RAD51: variants seen among roughly 807,000 people sequenced by gnomAD.
RAD51 encodes the protein DNA repair protein RAD51 homolog 1.
A neutral mutation model predicts 41.5 loss-of-function variants in RAD51; 14 were observed. The observed-to-expected ratio is 0.34, with a 90% CI of 0.22 to 0.53. The LOEUF is 0.53. Among genes scored for constraint, RAD51 ranks in the 20% least tolerant of loss-of-function variants. The probability of loss-of-function intolerance (pLI) is 0.95; values close to 1 mark genes in which losing one functional copy is unlikely to be tolerated. For synonymous variants in RAD51, 136 were observed against 148.6 expected (o/e 0.92, Z 0.62); for missense variants, 234 against 422.0 (o/e 0.55, Z 3.90).
chr15:40,703,259 A>C (rs1895115456), intron 3 of RAD51, among the ~76,000 whole-genome samples: 1 of 152,100 alleles, frequency 6.6e-6, no homozygotes, highest in African/African-American at 2.4e-5. Flanking sequence ...GTTGCACTGA[A>C]ATGACAGTGA....
chr15:40,718,699 T>G, intron 5 of RAD51, 106 bp from the exon 6 acceptor site: 2 of 983,408 alleles, frequency 2.0e-6, no homozygotes, highest in South Asian at 1.3e-5. Flanking sequence ...TTTTTAAATG[T>G]TTTTTTCCCT....
At position 40,731,203 on chromosome 15, in the gene RAD51, A is replaced by C; in HGVS notation, c.*25A>C. 1 of 1,613,820 alleles carries C rather than the reference A, an allele frequency of 6.2e-7. No homozygotes were observed. On this transcript the variant is annotated 3_prime_UTR_variant, in exon 10 of 10. Transcript: ENST00000267868. ...AATCATTGGGTTTTTCCTCTGTTAA[A>C]AACCTTAAGTGCTGCAGCCTAATGA...
In RAD51 at chr15:40,718,789, T is replaced by C; in HGVS notation, c.436-16T>C. The C allele has an allele frequency of 2.5e-6, 4 of 1,575,670 alleles. No individual in the cohort carries two copies. The highest frequency in any genetic ancestry group is 3.5e-6 in the Non-Finnish European group (4 of 1,145,320). ...AATACAATGTTCATTTCTACTGTTGTTTTTGTTCTCTATAGCTTCCCATTG... is the reference window on the plus strand; with the variant it reads ...AATACAATGTTCATTTCTACTGTTGCTTTTGTTCTCTATAGCTTCCCATTG... On this transcript the variant is annotated splice_polypyrimidine_tract_variant and intron_variant, in intron 5 of 9. Transcript: ENST00000267868.
rs191024160 is a variant in RAD51 at position 40,707,703 on chromosome 15, T to G, written c.344-1322T>G. 6.0e-4 allele frequency among the ~76,000 whole-genome samples: 91 copies of G among 152,158 alleles called. 1 individual carries two copies. The highest frequency in any genetic ancestry group is 6.8e-3 in the Middle Eastern group (2 of 294). On this transcript the variant is annotated intron_variant, in intron 4 of 9. Transcript: ENST00000267868. ...TGCATAGAAATTTCGTATGTTTTTT[T>G]TTGTTGTTGTTGGTTTGTTTGTTTG... is the stretch of plus-strand genomic sequence containing the variant.
intron 3 of RAD51, among the ~76,000 whole-genome samples, chr15:40,703,524 A>G (rs1314976541): frequency 6.6e-6 from 1 of 152,066 alleles, no homozygotes; most frequent in African/African-American, 2.4e-5. Flanking sequence ...CTATGGGTCT[A>G]TTTAGATTTT....
intron 1 of RAD51, among the ~76,000 whole-genome samples, chr15:40,698,077 TTG>T (rs1894759683): frequency 6.6e-6 from 1 of 152,148 alleles, no homozygotes; most frequent in African/African-American, 2.4e-5. Context: ...AACTGAAACT[TTG>T]TGCCTGTTGA....
Position 40,701,086 on chromosome 15 carries a change from A to C in RAD51, c.110A>C (p.Asp37Ala), listed in dbSNP as rs756092232. The C allele has an allele frequency of 1.2e-6, 2 of 1,614,264 alleles. No individual in the cohort carries two copies. Among genetic ancestry groups the C allele is most frequent in the South Asian group, 2.2e-5 (2 of 91,090 alleles). ...RLEQCGINAN[D>A]VKKLEEAGFH... ...CAGCAGTGTGGCATAAATGCCAACG[A>C]TGTGAAGAAATTGGAAGAAGCTGGA... The change falls in exon 3 of 10, where the codon GAT becomes GCT. Residue 37 changes from aspartate to alanine, a missense_variant. Physicochemically the swap from Asp to Ala is moderately radical, Grantham distance 126. This residue lies in a region of RAD51 where 100 missense variants were observed against 135.5 expected (regional missense o/e 0.74). Coordinates refer to ENST00000267868, the MANE Select transcript of RAD51 (RefSeq NM_002875.5).
chr15:40,722,779 T>TG (rs1429003132), intron 6 of RAD51, among the ~76,000 whole-genome samples: 1 of 152,144 alleles, frequency 6.6e-6, no homozygotes, highest in African/African-American at 2.4e-5. Flanking sequence ...TTAGTGACCT[T>TG]GGGGTAGGCA....
chr15:40,713,835 T>G (rs1260279957), intron 5 of RAD51, among the ~76,000 whole-genome samples: 1 of 151,456 alleles, frequency 6.6e-6, no homozygotes, highest in East Asian at 2.0e-4. Flanking sequence ...CTCGATCTCC[T>G]GACCTTGTGA....
chr15:40,729,873 C>G lies in RAD51; in HGVS notation c.795C>G (p.Ile265Met), dbSNP rs1202149010. 6.2e-6 allele frequency: 10 copies of G among 1,614,166 alleles called. No homozygotes were observed. Among genetic ancestry groups the G allele is most frequent in the Non-Finnish European group, 8.5e-6 (10 of 1,180,036 alleles). Residue 265 changes from isoleucine (I) to methionine (M), a missense_variant, in exon 9 of 10, where the codon ATC becomes ATG. Around this residue, in one of 2 missense-constraint regions of RAD51, gnomAD observed 134 missense variants for 286.5 expected, o/e 0.47. Transcript: ENST00000267868. ...LADEFGVAVV[I>M]TNQVVAQVDG... ...ATCAGTTTGGTGTAGCAGTGGTAAT[C>G]ACTAATCAGGTGGTAGCTCAAGTGG...
At chr15:40,722,023 C>G (rs1454844154) in intron 6 of RAD51, among the ~76,000 whole-genome samples, 3 of 152,126 alleles carry the variant, frequency 2.0e-5, no homozygotes, top group African/African-American at 7.2e-5. Flanking sequence ...TAGACCTAGT[C>G]CTGCAGATAA....
intron 1 of RAD51, among the ~76,000 whole-genome samples, chr15:40,697,856 T>C (rs45511200): frequency 0.011 from 1,737 of 152,322 alleles, 34 homozygotes; most frequent in African/African-American, 0.04. Flanking sequence ...TGGCCCAAGA[T>C]GATATTTCAA....
At chr15:40,715,449 AG>A (rs1208461687) in intron 5 of RAD51, among the ~76,000 whole-genome samples, 1 of 152,256 alleles carries the variant, frequency 6.6e-6, no homozygotes, top group Non-Finnish European at 1.5e-5. Flanking sequence ...ATATATGCAA[AG>A]ATAAATGTAC....
At chr15:40,701,462 C>T (rs1277290725) in intron 3 of RAD51, among the ~76,000 whole-genome samples, 1 of 150,340 alleles carries the variant, frequency 6.7e-6, no homozygotes, top group Non-Finnish European at 1.5e-5. Context: ...GCAACCTTCA[C>T]CTCCCAAGCT....
intron 4 of RAD51, among the ~76,000 whole-genome samples, chr15:40,708,654 G>T (rs899502990): frequency 1.1e-4 from 16 of 152,118 alleles, no homozygotes; most frequent in Middle Eastern, 3.2e-3. Flanking sequence ...CACGATTTTG[G>T]CTCACTGCAA....
rs1895529527 is a variant in RAD51, at chr15:40,709,020, T to A, written c.344-5T>A. The stretch of plus-strand genomic sequence containing the variant: ...GCTAAGAGTTATTTCTTATCGCTTT[T>A]TTAGGTGGAATTGAGACTGGATCTA... On this transcript the variant is annotated splice_polypyrimidine_tract_variant and splice_region_variant and intron_variant, in intron 4 of 9. Transcript: ENST00000267868. 8 of 1,611,398 alleles carry A rather than the reference T, an allele frequency of 5.0e-6. No individual in the cohort carries two copies. Among genetic ancestry groups the A allele is most frequent in the Non-Finnish European group, 5.1e-6 (6 of 1,177,572 alleles).
intron 6 of RAD51, among the ~76,000 whole-genome samples, chr15:40,728,289 C>T (rs1896690847): frequency 6.6e-6 from 1 of 152,090 alleles, no homozygotes; most frequent in Non-Finnish European, 1.5e-5. Context: ...TGGTGAAACC[C>T]TGTCTCTACT....
chr15:40,725,724 C>T (rs1896546761), intron 6 of RAD51, among the ~76,000 whole-genome samples: 1 of 151,944 alleles, frequency 6.6e-6, no homozygotes, highest in Non-Finnish European at 1.5e-5. Context: ...CACGGTGGCT[C>T]ACGCCTGTAA....
chr15:40,731,857 T>A lies in RAD51; in HGVS notation c.*679T>A. On this transcript the variant is annotated 3_prime_UTR_variant, in exon 10 of 10. Coordinates refer to ENST00000267868, the MANE Select transcript of RAD51 (RefSeq NM_002875.5). Reference sequence around the variant, plus strand: ...ACTTTGGGAGGCCGAGGCAGGTGGATCGCTTGAGCCCAGGAGTTTTAAGTC... The same window carrying A: ...ACTTTGGGAGGCCGAGGCAGGTGGAACGCTTGAGCCCAGGAGTTTTAAGTC... 4.7e-6 allele frequency: 1 copy of A among 212,164 alleles called. No homozygotes were observed. The allele number at this position is 212,164 out of a possible 1,614,324, so 13.1% of individuals were successfully genotyped here.
Sources: allele counts gnomAD v4.1 joint callset (sites outside exome capture counted in the v4.1 genomes callset), GRCh38; gene constraint gnomAD v4.1.1; regional missense constraint gnomAD v4.1.1; transcripts MANE v1.5; gene names NCBI Gene and HGNC (gene_info 2026-07-23, HGNC 2026-07-21).